NRXN3: variants seen among roughly 807,000 people sequenced by gnomAD.
NRXN3 encodes neurexin 3, also known as neurexin III.
In NRXN3, 32 loss-of-function variants were observed where a neutral mutation model predicts 137.6. The ratio of observed to expected loss-of-function variants is 0.23; its 90% confidence interval spans 0.18 to 0.31. The LOEUF (loss-of-function observed/expected upper bound fraction) is 0.31. NRXN3 is among the 10% of genes least tolerant of loss of function. NRXN3 has a pLI of 1.00. For synonymous variants in NRXN3, 798 were observed against 784.5 expected (o/e 1.02, Z -0.29); for missense variants, 1,574 against 2,062.5 (o/e 0.76, Z 4.59).
At chr14:79,046,612 A>T (rs116839584) in intron 15 of NRXN3, among the ~76,000 whole-genome samples, 2 of 152,184 alleles carry the variant, frequency 1.3e-5, no homozygotes, top group Non-Finnish European at 2.9e-5. Flanking sequence ...AGTGCAAAAA[A>T]CATGAGACTT....
intron 8 of NRXN3, among the ~76,000 whole-genome samples, chr14:78,734,839 G>A (rs1259956295): frequency 2.6e-5 from 4 of 152,220 alleles, no homozygotes; most frequent in Non-Finnish European, 4.4e-5. Context: ...TGGAAGTGGG[G>A]AGGAGAGGGA....
chr14:79,422,856 T>C (rs937520642), intron 15 of NRXN3, among the ~76,000 whole-genome samples: 6 of 151,796 alleles, frequency 4.0e-5, no homozygotes, highest in African/African-American at 9.7e-5. Context: ...CCCTCCACCA[T>C]GCCCGGCTAA....
intron 8 of NRXN3, among the ~76,000 whole-genome samples, chr14:78,745,969 G>C (rs554176852): frequency 6.6e-6 from 1 of 152,094 alleles, no homozygotes; most frequent in Non-Finnish European, 1.5e-5. Context: ...AAATTATAAG[G>C]CTTCAGCAAG....
chr14:78,797,528 A>G (rs111505824), intron 8 of NRXN3, among the ~76,000 whole-genome samples: 19 of 152,354 alleles, frequency 1.2e-4, no homozygotes, highest in Non-Finnish European at 2.8e-4. Flanking sequence ...AGATAATAAA[A>G]TAATGAAATT....
chr14:79,750,051 A>G (rs1347039336), intron 19 of NRXN3, among the ~76,000 whole-genome samples: 1 of 152,156 alleles, frequency 6.6e-6, no homozygotes, highest in Non-Finnish European at 1.5e-5. Context: ...TGTATGTCTC[A>G]TGATTTGTCC....
intron 15 of NRXN3, among the ~76,000 whole-genome samples, chr14:79,191,276 C>A (rs2064270729): frequency 6.6e-6 from 1 of 152,178 alleles, no homozygotes; most frequent in Admixed American, 6.5e-5. Context: ...GCAGGGAGAG[C>A]AAACTGAAAT....
intron 4 of NRXN3, among the ~76,000 whole-genome samples, chr14:78,630,602 T>TC (rs2097511198): frequency 6.6e-6 from 1 of 151,002 alleles, no homozygotes. Flanking sequence ...TCTTTCTTTT[T>TC]TTTTTTTTTT....
chr14:79,008,487 G>A (rs1405574692), intron 15 of NRXN3, among the ~76,000 whole-genome samples: 2 of 152,066 alleles, frequency 1.3e-5, no homozygotes, highest in Non-Finnish European at 2.9e-5. Context: ...CAACTTAAGA[G>A]TTATAGATTT....
intron 4 of NRXN3, among the ~76,000 whole-genome samples, chr14:78,419,986 C>CACACACACACACACACA (rs10676901): frequency 2.9e-4 from 43 of 150,222 alleles, no homozygotes; most frequent in African/African-American, 9.0e-4. Context: ...CACACACACA[C>CACACACACACACACACA]GTAAAGTCCT....
At chr14:79,258,430 C>A (rs191915729) in intron 15 of NRXN3, among the ~76,000 whole-genome samples, 152 of 152,180 alleles carry the variant, frequency 1.0e-3, no homozygotes, top group African/African-American at 3.6e-3. Flanking sequence ...GTCTCGAACT[C>A]CTGCCCTCAA....
chr14:78,847,194 A>G (rs1379649115), intron 10 of NRXN3, among the ~76,000 whole-genome samples: 1 of 152,088 alleles, frequency 6.6e-6, no homozygotes, highest in Admixed American at 6.6e-5. Flanking sequence ...CCCAGAGTAT[A>G]TCTTGCTTAA....
intron 19 of NRXN3, among the ~76,000 whole-genome samples, chr14:79,712,057 C>G (rs535753468): frequency 9.2e-5 from 14 of 152,164 alleles, no homozygotes; most frequent in South Asian, 8.3e-4. Context: ...TTTCTGAAAA[C>G]GCAGCTGAAG....
At chr14:78,755,488 C>T (rs1051254026) in intron 8 of NRXN3, among the ~76,000 whole-genome samples, 3 of 152,160 alleles carry the variant, frequency 2.0e-5, no homozygotes, top group African/African-American at 4.8e-5. Context: ...TGAGTGAGCA[C>T]ACTTGACTTT....
chr14:79,577,999 T>G (rs2153807135), intron 16 of NRXN3, among the ~76,000 whole-genome samples: 1 of 152,270 alleles, frequency 6.6e-6, no homozygotes, highest in Admixed American at 6.5e-5. Context: ...CAACTCTAGG[T>G]GAAGGATGCA....
chr14:79,050,423 T>C (rs2152567751), intron 15 of NRXN3, among the ~76,000 whole-genome samples: 1 of 152,344 alleles, frequency 6.6e-6, no homozygotes, highest in Non-Finnish European at 1.5e-5. Flanking sequence ...CATTTCTTTT[T>C]ATATTGACAA....
intron 15 of NRXN3, among the ~76,000 whole-genome samples, chr14:79,198,471 T>G (rs894605452): frequency 9.9e-5 from 15 of 152,186 alleles, no homozygotes; most frequent in Non-Finnish European, 1.8e-4. Context: ...GTATTTGGAT[T>G]TGATGGATTT....
At chr14:79,772,475 T>C (rs1352971608) in intron 19 of NRXN3, among the ~76,000 whole-genome samples, 2 of 152,052 alleles carry the variant, frequency 1.3e-5, no homozygotes, top group African/African-American at 2.4e-5. Flanking sequence ...TAATGCCGCA[T>C]ATCTACAACT....
At chr14:79,708,109 T>C (rs575206148) in intron 19 of NRXN3, among the ~76,000 whole-genome samples, 1 of 140,762 alleles carries the variant, frequency 7.1e-6, no homozygotes, top group East Asian at 2.1e-4. Context: ...CCTCTGCATA[T>C]GTGGGATTGC....
At chr14:78,705,427 A>G (rs989477578) in intron 6 of NRXN3, among the ~76,000 whole-genome samples, 12 of 152,150 alleles carry the variant, frequency 7.9e-5, no homozygotes, top group Admixed American at 4.6e-4. Flanking sequence ...GAAGATATTA[A>G]CAATGGAGAG....
Sources: gnomAD v4.1 joint callset for allele counts (sites outside exome capture counted in the v4.1 genomes callset) on GRCh38, gnomAD v4.1.1 for gene constraint, MANE v1.5 for transcripts, NCBI Gene and HGNC (gene_info 2026-07-23, HGNC 2026-07-21) for gene names.